Variants in ELAVL4 observed in about 807,000 individuals in gnomAD.
The protein encoded by ELAVL4 is ELAV-like protein 4.
A neutral mutation model predicts 35.6 loss-of-function variants in ELAVL4; 1 was observed. The observed-to-expected ratio is 0.03, with a 90% confidence interval of 0.01 to 0.13. The LOEUF (loss-of-function observed/expected upper bound fraction) is 0.13. Among genes scored for constraint, ELAVL4 ranks in the 10% least tolerant of loss-of-function variants. The pLI is 1.00. For synonymous variants in ELAVL4, 156 were observed against 171.0 expected, an observed-to-expected ratio of 0.91 and a Z score of 0.69; for missense variants, 267 against 464.9, an observed-to-expected ratio of 0.57 and a Z score of 3.91.
intron 1 of ELAVL4, among the ~76,000 whole-genome samples, chr1:50,113,956 G>C (rs969689035): frequency 6.6e-6 from 1 of 152,010 alleles, no homozygotes; most frequent in Admixed American, 6.6e-5. Flanking sequence ...TAAATGGAGA[G>C]AAAACCAAAC....
At chr1:50,131,568 T>A (rs948661919) in intron 1 of ELAVL4, among the ~76,000 whole-genome samples, 9 of 152,028 alleles carry the variant, frequency 5.9e-5, no homozygotes, top group Non-Finnish European at 1.3e-4. Context: ...GGAGGGCTGA[T>A]CACAAGGTCA....
At chr1:50,188,830 G>A (rs914329912) in intron 3 of ELAVL4, among the ~76,000 whole-genome samples, 3 of 152,166 alleles carry the variant, frequency 2.0e-5, no homozygotes, top group African/African-American at 7.2e-5. Context: ...GTGGATGAAG[G>A]GATAGCAATA....
At chr1:50,099,560 C>CAAA (rs750905424), upstream of ELAVL4, among the ~76,000 whole-genome samples, 7,395 of 56,010 alleles carry the variant, frequency 0.13, 358 homozygotes, top group African/African-American at 0.2. Flanking sequence ...AACTCCGCCT[C>CAAA]AAAAAAAAAA....
At chr1:50,167,254 AT>A (rs1678102795) in intron 2 of ELAVL4, among the ~76,000 whole-genome samples, 1 of 152,174 alleles carries the variant, frequency 6.6e-6, no homozygotes, top group African/African-American at 2.4e-5. Context: ...GATGGGGAAC[AT>A]GGTAATATCA....
At position 50,195,796 on chromosome 1, in the gene ELAVL4, C is replaced by T. The variant is rs779032642; in HGVS notation, c.734+10C>T. 1.2e-6 allele frequency: 2 copies of T among 1,613,712 alleles called. No homozygotes were observed. Among genetic ancestry groups the T allele is most frequent in the African/African-American group, 2.7e-5 (2 of 74,926 alleles). On this transcript the variant is annotated intron_variant, in intron 5 of 6. Coordinates refer to ENST00000371824, the MANE Select transcript of ELAVL4 (RefSeq NM_001144774.3). ...AGGCTCAGAGGTTCAGGTAGGCATG[C>T]CCAAAGAGGAAGAAGCCCTGCTACA...
intron 1 of ELAVL4, chr1:50,115,298 A>T (rs940262503): frequency 6.6e-6 from 1 of 152,136 alleles, no homozygotes; most frequent in South Asian, 2.1e-4. Flanking sequence ...ATTTTGGTTG[A>T]GAAAGCAGTA....
chr1:50,189,385 C>A (rs1365849730), intron 3 of ELAVL4, among the ~76,000 whole-genome samples: 1 of 152,254 alleles, frequency 6.6e-6, no homozygotes, highest in East Asian at 1.9e-4. Context: ...TGATGAATGA[C>A]AACGCCTGCT....
intron 1 of ELAVL4, among the ~76,000 whole-genome samples, chr1:50,129,785 G>A (rs575160807): frequency 4.6e-5 from 7 of 152,216 alleles, no homozygotes; most frequent in Admixed American, 2.0e-4. Flanking sequence ...CCAGCTCTTA[G>A]ATTAGTCAAC....
chr1:50,054,292 A>C (rs1663546393), intron 1 of ELAVL4, among the ~76,000 whole-genome samples: 1 of 152,198 alleles, frequency 6.6e-6, no homozygotes, highest in African/African-American at 2.4e-5. Flanking sequence ...CAGAAGTTAG[A>C]TTAGGATCTG....
At chr1:50,150,758 T>C (rs1405086958) in intron 2 of ELAVL4, among the ~76,000 whole-genome samples, 1 of 152,208 alleles carries the variant, frequency 6.6e-6, no homozygotes, top group African/African-American at 2.4e-5. Flanking sequence ...TGAAAAATCC[T>C]AAGATATAAA....
chr1:50,173,281 G>A (rs758431808), intron 2 of ELAVL4, among the ~76,000 whole-genome samples: 3 of 152,186 alleles, frequency 2.0e-5, no homozygotes, highest in Non-Finnish European at 4.4e-5. Flanking sequence ...TTGTGTATTT[G>A]TGTGTGTGCC....
At chr1:50,168,959 T>A (rs1158996524) in intron 2 of ELAVL4, among the ~76,000 whole-genome samples, 1 of 148,878 alleles carries the variant, frequency 6.7e-6, no homozygotes, top group Non-Finnish European at 1.5e-5. Context: ...TATATATATA[T>A]ATATACACAC....
chr1:50,199,581 G>T (rs1173842678), intron 6 of ELAVL4, among the ~76,000 whole-genome samples: 6 of 152,084 alleles, frequency 3.9e-5, no homozygotes, highest in Non-Finnish European at 1.5e-5. Context: ...GGTGGTGCGT[G>T]CCTGTAGTCT....
chr1:50,132,411 A>G (rs1430600933), intron 1 of ELAVL4, among the ~76,000 whole-genome samples: 1 of 152,214 alleles, frequency 6.6e-6, no homozygotes, highest in Non-Finnish European at 1.5e-5. Context: ...CAAAATGTTC[A>G]TAATATCAGA....
At chr1:50,157,786 T>C (rs1342240629) in intron 2 of ELAVL4, among the ~76,000 whole-genome samples, 1 of 152,226 alleles carries the variant, frequency 6.6e-6, no homozygotes, top group Non-Finnish European at 1.5e-5. Context: ...AGCAGCCACA[T>C]AGGATCCTTG....
At chr1:50,096,528 G>A (rs754062107) in intron 1 of ELAVL4, among the ~76,000 whole-genome samples, 2 of 151,538 alleles carry the variant, frequency 1.3e-5, no homozygotes, top group Admixed American at 6.6e-5. Context: ...AAATTTTAAA[G>A]AGCCTTGAAT....
At chr1:50,138,228 A>T (rs1379433113) in intron 1 of ELAVL4, among the ~76,000 whole-genome samples, 1 of 152,130 alleles carries the variant, frequency 6.6e-6, no homozygotes. Flanking sequence ...AAAGAGTGCT[A>T]GTCTACACAG....
chr1:50,122,187 T>C lies in ELAVL4; in HGVS notation c.9+12989T>C, dbSNP rs372384125. Reference sequence around the variant, plus strand: ...AATAAAATTTCAAAAATTTATTCAGTTCCATGAAAATGTATTAAAGTGCCT... The same window carrying C: ...AATAAAATTTCAAAAATTTATTCAGCTCCATGAAAATGTATTAAAGTGCCT... On this transcript the variant is annotated intron_variant, in intron 1 of 6. Coordinates refer to ENST00000371824, the MANE Select transcript of ELAVL4 (RefSeq NM_001144774.3). Among the ~76,000 whole-genome samples the C allele has an allele frequency of 3.1e-4, 47 of 152,204 alleles. 1 individual carries two copies. In the South Asian group the frequency reaches 8.7e-3, roughly 28 times the overall value.
At chr1:50,134,157 T>C (rs568564105) in intron 1 of ELAVL4, among the ~76,000 whole-genome samples, 66 of 152,324 alleles carry the variant, frequency 4.3e-4, no homozygotes, top group Non-Finnish European at 8.2e-4. Context: ...CCTAATGCTT[T>C]AGATCATGAT....
Sources: allele counts gnomAD v4.1 joint callset (sites outside exome capture counted in the v4.1 genomes callset), GRCh38; gene constraint gnomAD v4.1.1; transcripts MANE v1.5; gene names NCBI Gene and HGNC (gene_info 2026-07-23, HGNC 2026-07-21).